ARHGAP18: variants seen among roughly 807,000 people sequenced by gnomAD.
ARHGAP18 encodes Rho GTPase activating protein 18.
Under a neutral mutation model 86.2 loss-of-function variants are expected in ARHGAP18, and 67 were observed. That is an observed-to-expected ratio of 0.78 (90% CI 0.64 to 0.95). The LOEUF (loss-of-function observed/expected upper bound fraction) is 0.95, where lower values mean the gene tolerates loss of function less well. ARHGAP18 is among the 40% of genes least tolerant of loss of function. The pLI is 0.00. For missense variants in ARHGAP18, 691 were observed against 780.4 expected, an observed-to-expected ratio of 0.89 and a Z score of 1.37; for synonymous variants, 283 against 280.4, an observed-to-expected ratio of 1.01 and a Z score of -0.09.
chr6:129,577,821 T>G lies in ARHGAP18; in HGVS notation c.*692A>C, dbSNP rs1788209846. The G allele has an allele frequency of 6.6e-6, 1 of 152,200 alleles. No homozygotes were observed. The highest frequency in any genetic ancestry group is 1.5e-5 in the Non-Finnish European group (1 of 68,030). The allele number at this position is 152,200 out of a possible 1,614,324, so 9.4% of individuals were successfully genotyped here. A position where few individuals can be genotyped will look rare whatever the true frequency, so the allele number is the denominator to read the frequency against. On this transcript the variant is annotated 3_prime_UTR_variant, in exon 15 of 15. Coordinates refer to ENST00000368149, the MANE Select transcript of ARHGAP18 (RefSeq NM_033515.3). ...TTATTTATTCTTAGTATATAAGTAT[T>G]TAATGGTTCAGTAATAACTGGCAGC...
chr6:129,677,504 T>C (rs539230348), intron 1 of ARHGAP18, among the ~76,000 whole-genome samples: 1 of 152,252 alleles, frequency 6.6e-6, no homozygotes, highest in Non-Finnish European at 1.5e-5. Flanking sequence ...TTTAGCCAGT[T>C]TGGTGCACTC....
intron 12 of ARHGAP18, among the ~76,000 whole-genome samples, chr6:129,594,684 C>T (rs1788581278): frequency 6.6e-6 from 1 of 152,078 alleles, no homozygotes; most frequent in Non-Finnish European, 1.5e-5. Context: ...GCTAAAGTCA[C>T]CCAAGGCCAA....
chr6:129,595,288 T>C (rs542986049), intron 12 of ARHGAP18, among the ~76,000 whole-genome samples: 1 of 152,324 alleles, frequency 6.6e-6, no homozygotes, highest in Non-Finnish European at 1.5e-5. Context: ...ATCTCTTCAA[T>C]GTCAAGATAC....
chr6:129,608,045 CA>C lies in ARHGAP18; in HGVS notation c.1129del (p.Cys377AlafsTer4). On this transcript the variant is annotated frameshift_variant, in exon 9 of 15. Coordinates refer to ENST00000368149, the MANE Select transcript of ARHGAP18 (RefSeq NM_033515.3). LOFTEE classifies it high-confidence loss of function. ...PGAAIRIKNL[C>X]QELEAKFYEG... ...ATAAAACTTTGCTTCTAGTTCTTGG[CA>C]AAGATTCTGATAGGCACGAAAAAAA... 4.7e-6 allele frequency: 3 copies of C among 635,796 alleles called. No individual in the cohort carries two copies. The highest frequency in any genetic ancestry group is 7.4e-6 in the Non-Finnish European group (3 of 404,110). The allele number at this position is 635,796 out of a possible 1,614,324, so 39.4% of individuals were successfully genotyped here. A position where few individuals can be genotyped will look rare whatever the true frequency, so the allele number is the denominator to read the frequency against.
intron 1 of ARHGAP18, among the ~76,000 whole-genome samples, chr6:129,660,258 G>A (rs1438667211): frequency 6.6e-6 from 1 of 152,228 alleles, no homozygotes; most frequent in Non-Finnish European, 1.5e-5. Context: ...GAGACAGCCT[G>A]GGGCCAAGAT....
At chr6:129,593,338 G>A (rs2114439866) in intron 12 of ARHGAP18, among the ~76,000 whole-genome samples, 1 of 152,166 alleles carries the variant, frequency 6.6e-6, no homozygotes, top group Non-Finnish European at 1.5e-5. Flanking sequence ...ATGCATGCCT[G>A]TAGTCCCAGC....
At chr6:129,604,997 TTTC>T (rs1048563601) in intron 10 of ARHGAP18, among the ~76,000 whole-genome samples, 1 of 152,166 alleles carries the variant, frequency 6.6e-6, no homozygotes, top group African/African-American at 2.4e-5. Flanking sequence ...GTAAATTTGT[TTTC>T]TTAACTTGAA....
intron 1 of ARHGAP18, among the ~76,000 whole-genome samples, chr6:129,669,291 C>T (rs973714214): frequency 6.6e-6 from 1 of 152,160 alleles, no homozygotes; most frequent in South Asian, 2.1e-4. Flanking sequence ...CCTGCCTCAG[C>T]CTCCCGAGTA....
chr6:129,698,873 A>G (rs567773273), intron 1 of ARHGAP18, among the ~76,000 whole-genome samples: 20 of 151,986 alleles, frequency 1.3e-4, no homozygotes, highest in Non-Finnish European at 2.9e-4. Flanking sequence ...TTTTATTTTT[A>G]GTAGAGACGG....
intron 1 of ARHGAP18, among the ~76,000 whole-genome samples, chr6:129,687,373 C>G (rs1361355461): frequency 6.6e-6 from 1 of 152,152 alleles, no homozygotes; most frequent in South Asian, 2.1e-4. Context: ...TAGCTGAAAC[C>G]TCACCCACAT....
chr6:129,618,816 T>C lies in ARHGAP18; in HGVS notation c.823A>G (p.Arg275Gly), dbSNP rs754442961. 1.4e-5 allele frequency: 23 copies of C among 1,612,870 alleles called. No homozygotes were observed. The highest frequency in any genetic ancestry group is 3.3e-5 in the Admixed American group (2 of 59,888). ...RLPKDKTGTT[R>G]IGDLAPQDMK... Reference sequence around the variant, plus strand: ...TCCTGGGGTGCGAGGTCACCAATCCTTGTGGTACCCGTTTTGTCTTTTGGC... The same window carrying C: ...TCCTGGGGTGCGAGGTCACCAATCCCTGTGGTACCCGTTTTGTCTTTTGGC... Residue 275 changes from arginine (R) to glycine (G), a missense_variant, in exon 6 of 15, where the codon AGG becomes GGG. Coordinates refer to ENST00000368149, the MANE Select transcript of ARHGAP18 (RefSeq NM_033515.3).
chr6:129,616,685 T>C (rs1789105546), intron 6 of ARHGAP18, among the ~76,000 whole-genome samples: 1 of 152,222 alleles, frequency 6.6e-6, no homozygotes, highest in Non-Finnish European at 1.5e-5. Context: ...CAGTGGCTTA[T>C]GTCTATAACC....
chr6:129,661,314 A>C (rs953298243), intron 1 of ARHGAP18, among the ~76,000 whole-genome samples: 18 of 150,778 alleles, frequency 1.2e-4, no homozygotes, highest in African/African-American at 4.4e-4. Flanking sequence ...AATCTTAAAA[A>C]AAAAAAAAAA....
At chr6:129,675,692 C>T (rs1047254038) in intron 1 of ARHGAP18, among the ~76,000 whole-genome samples, 4 of 152,174 alleles carry the variant, frequency 2.6e-5, no homozygotes, top group African/African-American at 9.7e-5. Flanking sequence ...AGCCCTAAGA[C>T]ATTATGAGAG....
intron 12 of ARHGAP18, among the ~76,000 whole-genome samples, chr6:129,589,678 A>T (rs1788471809): frequency 2.6e-5 from 4 of 152,178 alleles, no homozygotes; most frequent in African/African-American, 9.7e-5. Flanking sequence ...GTATCTTTAT[A>T]GCAGCACCCC....
rs66753341 is a variant in ARHGAP18 at position 129,626,672 on chromosome 6, TACACACACACAC to T, written c.786+2669_786+2680del. ...GATGTACCCCCAAAACACACACACA[TACACACACACAC>T]ACACACACACACACAGACAAATAGA... On this transcript the variant is annotated intron_variant, in intron 5 of 14. Coordinates refer to ENST00000368149, the MANE Select transcript of ARHGAP18 (RefSeq NM_033515.3). Among the ~76,000 whole-genome samples, 343 of 147,172 alleles carry T rather than the reference TACACACACACAC, an allele frequency of 2.3e-3. 1 individual carries two copies. Among genetic ancestry groups the T allele is most frequent in the African/African-American group, 8.4e-3 (334 of 39,794 alleles).
chr6:129,587,297 G>T (rs748097473), intron 12 of ARHGAP18, among the ~76,000 whole-genome samples: 1 of 152,112 alleles, frequency 6.6e-6, no homozygotes, highest in Non-Finnish European at 1.5e-5. Context: ...AGAAAGCAGA[G>T]AAAAGGAATT....
intron 1 of ARHGAP18, among the ~76,000 whole-genome samples, chr6:129,658,586 C>T (rs958947091): frequency 1.1e-4 from 17 of 152,152 alleles, no homozygotes; most frequent in African/African-American, 3.6e-4. Flanking sequence ...ACAAATCTTA[C>T]GCTAAAATTT....
In ARHGAP18 at chr6:129,608,005, A is replaced by G. The variant is rs749619265; in HGVS notation, c.1170T>C (p.Asn390=). The change falls in exon 9 of 15, where the codon AAT becomes AAC. Residue 390 remains asparagine, a synonymous_variant. Coordinates refer to ENST00000368149, the MANE Select transcript of ARHGAP18 (RefSeq NM_033515.3). ...LEAKFYEGTF[N]WESVKQHDAA... ...CATCATGCTGTTTGACACTTTCCCA[A>G]TTAAAAGTCCCTTCATAAAACTTTG... 21 of 1,610,168 alleles carry G rather than the reference A, an allele frequency of 1.3e-5. No individual in the cohort carries two copies. Among genetic ancestry groups the G allele is most frequent in the South Asian group, 4.4e-5 (4 of 90,700 alleles).
Sources: gnomAD v4.1 joint callset for allele counts (sites outside exome capture counted in the v4.1 genomes callset) on GRCh38, gnomAD v4.1.1 for gene constraint, MANE v1.5 for transcripts, NCBI Gene and HGNC (gene_info 2026-07-23, HGNC 2026-07-21) for gene names.